The following NTRK3 variants were observed in gnomAD, a reference collection of about 807,000 sequenced individuals.
NTRK3 encodes the protein neurotrophic receptor tyrosine kinase 3, also known as NT-3 growth factor receptor.
A neutral mutation model predicts 91.7 loss-of-function variants in NTRK3; 24 were observed. The ratio of observed to expected loss-of-function variants is 0.26; its 90% CI spans 0.19 to 0.37. NTRK3 has a LOEUF of 0.37. NTRK3 is among the 10% of genes least tolerant of loss of function. NTRK3 has a pLI of 1.00. For synonymous variants in NTRK3, 483 were observed against 404.0 expected (o/e 1.20, Z -2.34); for missense variants, 880 against 1,068.9 (o/e 0.82, Z 2.46).
chr15:88,177,063 C>T (rs1376654798), intron 5 of NTRK3, among the ~76,000 whole-genome samples: 2 of 152,078 alleles, frequency 1.3e-5, no homozygotes, highest in East Asian at 3.9e-4. Context: ...ACAAAAACTC[C>T]AATGTGGGAA....
At chr15:87,993,620 C>G (rs2075453992) in intron 14 of NTRK3, among the ~76,000 whole-genome samples, 1 of 152,150 alleles carries the variant, frequency 6.6e-6, no homozygotes, top group Non-Finnish European at 1.5e-5. Context: ...TCACCTCCCC[C>G]AAAGGCCTAG....
At chr15:88,026,483 T>C (rs1045739826) in intron 14 of NTRK3, among the ~76,000 whole-genome samples, 3 of 151,874 alleles carry the variant, frequency 2.0e-5, no homozygotes, top group Admixed American at 6.6e-5. Flanking sequence ...TTGAAGGGTG[T>C]GAGGGGATAA....
exon 19 of NTRK3, chr15:87,860,464 C>A: frequency 4.8e-6 from 1 of 209,566 alleles, no homozygotes; most frequent in East Asian, 7.0e-5. Flanking sequence ...CTGTGGCCAT[C>A]TTATCAAGTT....
intron 13 of NTRK3, among the ~76,000 whole-genome samples, chr15:88,047,415 AG>A (rs2080323552): frequency 6.6e-6 from 1 of 152,156 alleles, no homozygotes; most frequent in African/African-American, 2.4e-5. Flanking sequence ...GTAGTGAGTT[AG>A]CCCTGGTACC....
At chr15:88,222,462 A>G (rs1339737016) in intron 3 of NTRK3, among the ~76,000 whole-genome samples, 1 of 152,216 alleles carries the variant, frequency 6.6e-6, no homozygotes, top group Non-Finnish European at 1.5e-5. Context: ...TTTCAATAAT[A>G]CAACAATCAT....
intron 5 of NTRK3, among the ~76,000 whole-genome samples, chr15:88,159,943 T>TACACACACACACAC (rs59254719): frequency 0.012 from 1,313 of 112,018 alleles, 71 homozygotes; most frequent in East Asian, 0.024. Context: ...CCCAGCCTCC[T>TACACACACACACAC]ACACACACAC....
At chr15:88,115,910 A>T (rs2052010487) in intron 13 of NTRK3, among the ~76,000 whole-genome samples, 1 of 152,014 alleles carries the variant, frequency 6.6e-6, no homozygotes. Context: ...CTGCCAGCAC[A>T]AGCTTTTCCG....
At chr15:88,062,033 TA>T (rs2046267615) in intron 13 of NTRK3, among the ~76,000 whole-genome samples, 1 of 152,228 alleles carries the variant, frequency 6.6e-6, no homozygotes, top group Admixed American at 6.5e-5. Flanking sequence ...ACAAATTTTT[TA>T]AAAATACAAG....
chr15:88,166,499 C>A (rs1440837688), intron 5 of NTRK3, among the ~76,000 whole-genome samples: 1 of 152,206 alleles, frequency 6.6e-6, no homozygotes, highest in Non-Finnish European at 1.5e-5. Flanking sequence ...CTCTGGGGAG[C>A]TGTTCATAGT....
At chr15:88,127,789 G>A (rs541459198) in intron 11 of NTRK3, among the ~76,000 whole-genome samples, 3 of 152,232 alleles carry the variant, frequency 2.0e-5, no homozygotes, top group African/African-American at 7.2e-5. Flanking sequence ...CACAAGGGCA[G>A]CTTAAGTTAA....
At chr15:88,176,028 G>A (rs2151546209) in intron 5 of NTRK3, among the ~76,000 whole-genome samples, 1 of 151,686 alleles carries the variant, frequency 6.6e-6, no homozygotes, top group East Asian at 2.0e-4. Context: ...GTACATTTTT[G>A]TATCACACCT....
At chr15:87,907,431 T>G (rs2066839237) in intron 17 of NTRK3, among the ~76,000 whole-genome samples, 1 of 152,144 alleles carries the variant, frequency 6.6e-6, no homozygotes, top group African/African-American at 2.4e-5. Flanking sequence ...TGGGAGGTTA[T>G]GCTTAATTTA....
chr15:87,937,012 T>C (rs2069354710), intron 15 of NTRK3, among the ~76,000 whole-genome samples: 1 of 152,216 alleles, frequency 6.6e-6, no homozygotes, highest in Admixed American at 6.5e-5. Context: ...TTCAGTCTCA[T>C]GGCCTTTCCG....
At chr15:87,978,817 C>T (rs1031032004) in intron 14 of NTRK3, 5 of 235,888 alleles carry the variant, frequency 2.1e-5, no homozygotes, top group East Asian at 6.0e-5. Context: ...CTCCTCTTAC[C>T]GCGCCGTCTC....
chr15:88,141,480 G>C (rs912016957), intron 6 of NTRK3, among the ~76,000 whole-genome samples: 2 of 152,216 alleles, frequency 1.3e-5, no homozygotes, highest in Non-Finnish European at 2.9e-5. Flanking sequence ...TGGCCACCCT[G>C]CTAGAATGAC....
At chr15:88,117,723 G>A (rs1010974694) in intron 13 of NTRK3, among the ~76,000 whole-genome samples, 2 of 152,256 alleles carry the variant, frequency 1.3e-5, no homozygotes, top group Non-Finnish European at 2.9e-5. Flanking sequence ...CCTCTGGCTT[G>A]TGGTAACAGA....
intron 13 of NTRK3, among the ~76,000 whole-genome samples, chr15:88,103,682 G>A (rs1182580829): frequency 6.6e-6 from 1 of 152,096 alleles, no homozygotes; most frequent in Admixed American, 6.5e-5. Context: ...AGAAGACAGT[G>A]ACCTTGAAAG....
In NTRK3 at chr15:88,241,603, C is replaced by T. The variant is rs1236944849; in HGVS notation, c.248+14303G>A. On this transcript the variant is annotated intron_variant, in intron 3 of 18. Coordinates refer to ENST00000394480, the Ensembl canonical transcript of NTRK3. This position sits in a 1 kb window ranked among gnomAD's most constrained non-coding sequence, Gnocchi z 4.3. ...TAGGAGCAGGGGGCATGGGGCAGGT[C>T]AGCCGCTGGTTGGGCAGAATGCCAG... Among the ~76,000 whole-genome samples, 4 of 152,138 alleles carry T rather than the reference C, an allele frequency of 2.6e-5. No homozygotes were observed. In the South Asian group the frequency reaches 8.3e-4, roughly 31 times the overall value.
At chr15:88,061,469 C>T (rs1390906285) in intron 13 of NTRK3, among the ~76,000 whole-genome samples, 1 of 152,212 alleles carries the variant, frequency 6.6e-6, no homozygotes, top group African/African-American at 2.4e-5. Flanking sequence ...CTAAGAGCAT[C>T]TTGAATGCAG....
Sources: gnomAD v4.1 joint callset for allele counts (sites outside exome capture counted in the v4.1 genomes callset) on GRCh38, gnomAD v4.1.1 for gene constraint, Gnocchi (gnomAD v3.1) non-coding constraint, MANE v1.5 for transcripts, NCBI Gene and HGNC (gene_info 2026-07-23, HGNC 2026-07-21) for gene names.